The following TRIP10 variants were observed in gnomAD, a reference collection of about 807,000 sequenced individuals.
The protein encoded by TRIP10 is cdc42-interacting protein 4.
A neutral mutation model predicts 80.9 loss-of-function variants in TRIP10; 54 were observed. That is an observed-to-expected ratio of 0.67 (90% CI 0.54 to 0.84). TRIP10 has a LOEUF of 0.84. Among genes scored for constraint, TRIP10 ranks in the 40% least tolerant of loss-of-function variants. The probability of loss-of-function intolerance (pLI) is 0.00; values close to 1 mark genes in which losing one functional copy is unlikely to be tolerated. For missense variants in TRIP10, 773 were observed against 815.3 expected (o/e 0.95, Z 0.63); for synonymous variants, 321 against 307.2 (o/e 1.04, Z -0.47).
rs528409037 is a variant in TRIP10 at position 6,750,612 on chromosome 19, G to T, written c.1636G>T (p.Val546Leu). 4 of 1,614,238 alleles carry T rather than the reference G, an allele frequency of 2.5e-6. No homozygotes were observed. In the South Asian group the frequency reaches 4.4e-5, roughly 18 times the overall value. ...ACCCACATCCCCCATAGGTCACTGT[G>T]TGGCCATCTACCACTTTGAAGGTGA... ...EEPTSPIGHC[V>L]AIYHFEGSSE... Residue 546 changes from valine (V) to leucine (L), a missense_variant, in exon 14 of 15, where the codon GTG (valine) becomes TTG (leucine). Physicochemically the swap from Val to Leu is conservative, Grantham distance 32. Coordinates refer to ENST00000313244, the MANE Select transcript of TRIP10 (RefSeq NM_001288962.2).
chr19:6,751,296 G>A lies in TRIP10; in HGVS notation c.*85G>A, dbSNP rs754159710. ...CCCAGGACCTATGCACTTTATTTCT[G>A]ACCCCGTGGCTTCGGCTGAGACCTG... On this transcript the variant is annotated 3_prime_UTR_variant, in exon 15 of 15. Coordinates refer to ENST00000313244, the MANE Select transcript of TRIP10 (RefSeq NM_001288962.2). The A allele has an allele frequency of 6.3e-7, 1 of 1,597,486 alleles. No individual in the cohort carries two copies. Among genetic ancestry groups the A allele is most frequent in the South Asian group, 1.1e-5 (1 of 89,312 alleles).
rs1399055547 is a variant in TRIP10 at position 6,746,913 on chromosome 19, G to A, written c.1262+352G>A. On this transcript the variant is annotated intron_variant, in intron 11 of 14. Transcript: ENST00000313244. This position sits in a 1 kb window ranked among gnomAD's most constrained non-coding sequence, Gnocchi z 6.2. ...CTGCCTCAGCCTCCCATAGTGCTGG[G>A]ATTATAGGCATGAGCCACTGCCCGG... Among the ~76,000 whole-genome samples, 2 of 152,302 alleles carry A rather than the reference G, an allele frequency of 1.3e-5. No homozygotes were observed. Among genetic ancestry groups the A allele is most frequent in the East Asian group, 3.9e-4 (2 of 5,176 alleles).
At chr19:6,742,250 C>T (rs1031223708) in intron 3 of TRIP10, among the ~76,000 whole-genome samples, 11 of 151,584 alleles carry the variant, frequency 7.3e-5, no homozygotes, top group Admixed American at 2.0e-4. Context: ...ATTAGCCAGG[C>T]GTTGTGGTGC....
Position 6,750,354 on chromosome 19 carries a change from C to A in TRIP10, c.1458C>A (p.His486Gln). Residue 486 changes from histidine to glutamine, a missense_variant, in exon 13 of 15, where the codon CAC becomes CAA. Physicochemically the swap from His to Gln is conservative, Grantham distance 24 (BLOSUM62 0). Transcript: ENST00000313244. ...LSNRGDSLSR[H>Q]ARPPDPPASA... ...ACCGGGGAGACAGCCTGAGCCGGCA[C>A]GCCCGGCCTCCCGACCCCCCCGCTA... is the stretch of plus-strand genomic sequence containing the variant. 7 of 1,614,046 alleles carry A rather than the reference C, an allele frequency of 4.3e-6. No homozygotes were observed. The highest frequency in any genetic ancestry group is 5.9e-6 in the Non-Finnish European group (7 of 1,179,982).
intron 7 of TRIP10, 64 bp downstream of exon 7, chr19:6,743,900 G>A (rs571920790): frequency 4.1e-5 from 65 of 1,586,522 alleles, no homozygotes; most frequent in East Asian, 6.7e-5. Context: ...CAACTCCTAC[G>A]CATTCATCAA....
rs571137417 is a variant in TRIP10 at position 6,744,496 on chromosome 19, C to G, written c.643-58C>G. The stretch of plus-strand genomic sequence containing the variant: ...GCGATCATATTTGCAGAGTGAATCA[C>G]TGTGCTTCTAGTCCCTCTGTTAGCA... On this transcript the variant is annotated intron_variant, in intron 7 of 14. Coordinates refer to ENST00000313244, the MANE Select transcript of TRIP10 (RefSeq NM_001288962.2). The surrounding 1 kb of genome is among the most constrained non-coding windows in gnomAD (Gnocchi z 4.9). The G allele has an allele frequency of 1.1e-4, 183 of 1,606,564 alleles. No homozygotes were observed. In the African/African-American group the frequency reaches 2.1e-3, roughly 19 times the overall value.
chr19:6,741,171 G>C (rs761692543), intron 2 of TRIP10, 46 bp downstream of exon 2: 1 of 1,613,616 alleles, frequency 6.2e-7, no homozygotes, highest in Admixed American at 1.7e-5. Context: ...CTGGGGCGAC[G>C]GGGAGCGGTG....
chr19:6,745,239 G>A lies in TRIP10; in HGVS notation c.984+245G>A, dbSNP rs936263828. 1.3e-5 allele frequency: 7 copies of A among 553,558 alleles called. No individual in the cohort carries two copies. Among genetic ancestry groups the A allele is most frequent in the Middle Eastern group, 4.9e-4 (1 of 2,030 alleles). The allele number at this position is 553,558 out of a possible 1,614,324, so 34.3% of individuals were successfully genotyped here. On this transcript the variant is annotated intron_variant, in intron 9 of 14. Coordinates refer to ENST00000313244, the MANE Select transcript of TRIP10 (RefSeq NM_001288962.2). The surrounding 1 kb of genome is among the most constrained non-coding windows in gnomAD (Gnocchi z 7.2). ...GCGTTTGTCTGCTGCTTCTCGGGAT[G>A]CTGGGAGAAAACCTGCTGGTGGAAT...
rs1286735608 is a variant in TRIP10, at chr19:6,742,530, T to G, written c.198-437T>G. 2.0e-5 allele frequency among the ~76,000 whole-genome samples: 3 copies of G among 151,436 alleles called. No individual in the cohort carries two copies. In the East Asian group the frequency reaches 5.9e-4, roughly 30 times the overall value. The stretch of plus-strand genomic sequence containing the variant: ...GTTCCAATATACATTCGAGGTCCAG[T>G]GCGGTGGCTCACACCTGTACTCCCA... On this transcript the variant is annotated intron_variant, in intron 3 of 14. Coordinates refer to ENST00000313244, the MANE Select transcript of TRIP10 (RefSeq NM_001288962.2).
chr19:6,742,948 G>C lies in TRIP10; in HGVS notation c.198-19G>C, dbSNP rs200223372. ...GGAGGGGCCTGACTCCCTGTTCCCC[G>C]ATTCTCATCCAACCCCAGATTCAGC... On this transcript the variant is annotated intron_variant, in intron 3 of 14. Transcript: ENST00000313244. 13 of 1,612,896 alleles carry C rather than the reference G, an allele frequency of 8.1e-6. No homozygotes were observed. Among genetic ancestry groups the C allele is most frequent in the Middle Eastern group, 1.8e-4 (1 of 5,688 alleles).
intron 11 of TRIP10, chr19:6,748,938 T>A (rs1326551756): frequency 6.6e-6 from 1 of 151,748 alleles, no homozygotes; most frequent in African/African-American, 2.4e-5. Flanking sequence ...TATTTATTAG[T>A]CACTTACTGC....
At position 6,746,563 on chromosome 19, in the gene TRIP10, T is replaced by C. The variant is rs1368502479; in HGVS notation, c.1262+2T>C. 6.2e-7 allele frequency: 1 copy of C among 1,613,168 alleles called. No individual in the cohort carries two copies. On this transcript the variant is annotated splice_donor_variant, in intron 11 of 14. Coordinates refer to ENST00000313244, the MANE Select transcript of TRIP10 (RefSeq NM_001288962.2). LOFTEE classifies it high-confidence loss of function. This position sits in a 1 kb window ranked among gnomAD's most constrained non-coding sequence, Gnocchi z 6.2. ...ACTTCAGAAGGAGGTTGACCAGAGG[T>C]AAGGTGGTGGGGTAGGGAAGGACAG...
At position 6,743,436 on chromosome 19, in the gene TRIP10, C is replaced by T. The variant is rs561466455; in HGVS notation, c.409-58C>T. ...CCAATAATCCCTGAAACCTTGGTTT[C>T]CCACCCTGCTGTCTTTGGGATGGTG... On this transcript the variant is annotated intron_variant, in intron 5 of 14. Coordinates refer to ENST00000313244, the MANE Select transcript of TRIP10 (RefSeq NM_001288962.2). 1.9e-4 allele frequency: 308 copies of T among 1,590,954 alleles called. 1 individual carries two copies. In the African/African-American group the frequency reaches 3.2e-3, roughly 16 times the overall value.
At chr19:6,750,143 G>GGGGGGGGGGGGGGGGA in intron 12 of TRIP10, 77 bp downstream of exon 12, 1 of 842,276 alleles carries the variant, frequency 1.2e-6, no homozygotes, top group Non-Finnish European at 1.9e-6. Context: ...GGGGGTCGGG[G>GGGGGGGGGGGGGGGGA]ACAGGGGAGG....
chr19:6,739,775 C>A lies in TRIP10; in HGVS notation c.14C>A (p.Thr5Asn). MDWG[T>N]ELWDQFEVLE... ...GGCGGGAGCAGCATGGATTGGGGCACTGAGCTGTGGGTAAGTCCAATCGGC... is the reference window on the plus strand; with the variant it reads ...GGCGGGAGCAGCATGGATTGGGGCAATGAGCTGTGGGTAAGTCCAATCGGC... Residue 5 changes from threonine (T) to asparagine (N), a missense_variant, in exon 1 of 15, where the codon ACT (threonine) becomes AAT (asparagine). Physicochemically the swap from Thr to Asn is moderately conservative, Grantham distance 65. Coordinates refer to ENST00000313244, the MANE Select transcript of TRIP10 (RefSeq NM_001288962.2). 2 of 1,466,854 alleles carry A rather than the reference C, an allele frequency of 1.4e-6. No individual in the cohort carries two copies. Among genetic ancestry groups the A allele is most frequent in the African/African-American group, 1.4e-5 (1 of 69,130 alleles). The allele number at this position is 1,466,854 out of a possible 1,614,324, so 90.9% of individuals were successfully genotyped here.
rs745881723 is a variant in TRIP10, at chr19:6,743,278, TG to T, written c.408+23del. ...GAATGTGAGTTTGCAGAGGTAGCAGTGACTGTGGCCCGGAGGCATGGGGGCA... is the reference window on the plus strand; with the variant it reads ...GAATGTGAGTTTGCAGAGGTAGCAGTACTGTGGCCCGGAGGCATGGGGGCA... On this transcript the variant is annotated intron_variant, in intron 5 of 14. Transcript: ENST00000313244. 2.0e-5 allele frequency: 32 copies of T among 1,612,448 alleles called. No homozygotes were observed. In the South Asian group the frequency reaches 3.2e-4, roughly 16 times the overall value.
chr19:6,740,710 C>G, intron 1 of TRIP10: 1 of 330,972 alleles, frequency 3.0e-6, no homozygotes, highest in Non-Finnish European at 5.6e-6. Context: ...GGAGCCCGAG[C>G]TGGGGGAGTG....
chr19:6,745,870 G>A lies in TRIP10; in HGVS notation c.985-159G>A, dbSNP rs1320311375. 8 of 984,762 alleles carry A rather than the reference G, an allele frequency of 8.1e-6. No homozygotes were observed. Among genetic ancestry groups the A allele is most frequent in the African/African-American group, 1.8e-5 (1 of 57,042 alleles). The allele number at this position is 984,762 out of a possible 1,614,324, so 61.0% of individuals were successfully genotyped here. ...CATCTTGAGTTGTGGTTTTCTTACC[G>A]TTTTTTTTCTTTCTCCATTTTGTTT... On this transcript the variant is annotated intron_variant, in intron 9 of 14. Transcript: ENST00000313244. The surrounding 1 kb of genome is among the most constrained non-coding windows in gnomAD (Gnocchi z 7.2).
Position 6,746,268 on chromosome 19 carries a change from C to T in TRIP10, c.1152+72C>T. The T allele has an allele frequency of 1.3e-6, 2 of 1,483,234 alleles. No homozygotes were observed. Among genetic ancestry groups the T allele is most frequent in the South Asian group, 2.7e-5 (2 of 73,632 alleles). 91.9% of individuals were successfully genotyped at this position (1,483,234 alleles called of 1,614,324 possible). A position where few individuals can be genotyped will look rare whatever the true frequency, so the allele number is the denominator to read the frequency against. ...CAGCGGCGGGTGGCGGGACCCTGGG[C>T]TCGCTTCCTGCCGCTGGCTGGGCCC... On this transcript the variant is annotated intron_variant, in intron 10 of 14. Coordinates refer to ENST00000313244, the MANE Select transcript of TRIP10 (RefSeq NM_001288962.2). This position sits in a 1 kb window ranked among gnomAD's most constrained non-coding sequence, Gnocchi z 6.2.
Sources: allele counts gnomAD v4.1 joint callset (sites outside exome capture counted in the v4.1 genomes callset), GRCh38; gene constraint gnomAD v4.1.1; non-coding constraint Gnocchi (gnomAD v3.1); transcripts MANE v1.5; gene names NCBI Gene and HGNC (gene_info 2026-07-23, HGNC 2026-07-21).